TM4SF4: variants seen among roughly 807,000 people sequenced by gnomAD.
The protein encoded by TM4SF4 is transmembrane 4 L6 family member 4.
A neutral mutation model predicts 24.1 loss-of-function variants in TM4SF4; 24 were observed. The observed-to-expected ratio is 1.00, with a 90% CI of 0.72 to 1.40. TM4SF4 has a LOEUF of 1.40. Among genes scored for constraint, TM4SF4 ranks in the 40% most tolerant of loss-of-function variants. The pLI is 0.00. For synonymous variants in TM4SF4, 113 were observed against 97.0 expected, an observed-to-expected ratio of 1.17 and a Z score of -0.97; for missense variants, 254 against 254.2, an observed-to-expected ratio of 1.00 and a Z score of 0.01.
intron 4 of TM4SF4, among the ~76,000 whole-genome samples, chr3:149,501,006 A>G (rs919997457): frequency 7.8e-6 from 1 of 128,854 alleles, no homozygotes; most frequent in East Asian, 2.1e-4. Context: ...CCTGGATAAC[A>G]GAACAAGACC....
chr3:149,487,591 T>A, intron 2 of TM4SF4, 28 bp from the exon 3 acceptor site: 1 of 1,613,630 alleles, frequency 6.2e-7, no homozygotes. Context: ...ACCTGGAGAA[T>A]GTGACTGTCT....
chr3:149,498,591 C>A, intron 3 of TM4SF4, 131 bp from the exon 4 acceptor site: 1 of 755,374 alleles, frequency 1.3e-6, no homozygotes, highest in South Asian at 1.7e-5. Flanking sequence ...ATTGTTAGTA[C>A]AGAGTATTTT....
intron 2 of TM4SF4, among the ~76,000 whole-genome samples, chr3:149,477,871 A>AT (rs200642084): frequency 1.4e-4 from 21 of 150,584 alleles, no homozygotes; most frequent in East Asian, 3.9e-4. Context: ...GGAGATGAGG[A>AT]TTTTTTTTTT....
At chr3:149,479,047 G>A (rs376307735) in intron 2 of TM4SF4, among the ~76,000 whole-genome samples, 6 of 152,302 alleles carry the variant, frequency 3.9e-5, no homozygotes, top group East Asian at 1.9e-4. Flanking sequence ...GATTACAGGC[G>A]TGAGCCACTG....
intron 2 of TM4SF4, among the ~76,000 whole-genome samples, chr3:149,481,380 G>C (rs966284600): frequency 6.6e-6 from 1 of 151,996 alleles, no homozygotes; most frequent in African/African-American, 2.4e-5. Context: ...GAGGAAACGG[G>C]CTTCCATATT....
At chr3:149,501,073 C>T (rs1251822841) in intron 4 of TM4SF4, among the ~76,000 whole-genome samples, 1 of 150,938 alleles carries the variant, frequency 6.6e-6, no homozygotes, top group Non-Finnish European at 1.5e-5. Context: ...AATATGATTA[C>T]TCTTTGAATT....
chr3:149,475,574 T>C (rs1733913672), intron 1 of TM4SF4, among the ~76,000 whole-genome samples: 1 of 152,218 alleles, frequency 6.6e-6, no homozygotes, highest in Non-Finnish European at 1.5e-5. Flanking sequence ...TTATTCTTTT[T>C]TCTAACACAC....
At chr3:149,483,309 T>A (rs1286492538) in intron 2 of TM4SF4, among the ~76,000 whole-genome samples, 1 of 152,064 alleles carries the variant, frequency 6.6e-6, no homozygotes, top group Non-Finnish European at 1.5e-5. Flanking sequence ...ATATAAACTC[T>A]CAGTAAGAAT....
chr3:149,484,720 T>G (rs1734087946), intron 2 of TM4SF4, among the ~76,000 whole-genome samples: 2 of 152,098 alleles, frequency 1.3e-5, no homozygotes, highest in South Asian at 4.1e-4. Flanking sequence ...CCTGGCTAAT[T>G]TTTATATATT....
chr3:149,476,660 CAG>C lies in TM4SF4; in HGVS notation c.264+750_264+751del, dbSNP rs556225224. ...GTATGGGACAAGCTCTGGTGCTACA[CAG>C]ATGTGCTATATCTTTCCACAACATA... On this transcript the variant is annotated intron_variant, in intron 2 of 4. Coordinates refer to ENST00000305354, the MANE Select transcript of TM4SF4 (RefSeq NM_004617.4). 2.8e-3 allele frequency among the ~76,000 whole-genome samples: 425 copies of C among 152,330 alleles called. 5 individuals are homozygous for C. The highest frequency in any genetic ancestry group is 4.9e-3 in the Non-Finnish European group (330 of 68,032).
rs1734450063 is a variant in TM4SF4, at chr3:149,502,667, A to G, written c.592-9A>G. ...ACATCATAGTTAATTCACCTTTTCTACCTTCTAGGGAGATGGACCCGTTTA... is the reference window on the plus strand; with the variant it reads ...ACATCATAGTTAATTCACCTTTTCTGCCTTCTAGGGAGATGGACCCGTTTA... On this transcript the variant is annotated splice_polypyrimidine_tract_variant and intron_variant, in intron 4 of 4. Transcript: ENST00000305354. 1 of 1,601,546 alleles carries G rather than the reference A, an allele frequency of 6.2e-7. No individual in the cohort carries two copies. Among genetic ancestry groups the G allele is most frequent in the Non-Finnish European group, 8.6e-7 (1 of 1,169,036 alleles).
chr3:149,491,038 C>T (rs575296888), intron 3 of TM4SF4, among the ~76,000 whole-genome samples: 42 of 152,066 alleles, frequency 2.8e-4, no homozygotes, highest in African/African-American at 1.0e-3. Context: ...TGCATTATCT[C>T]ACCTAATCTT....
chr3:149,489,419 A>G (rs1348806569), intron 3 of TM4SF4, among the ~76,000 whole-genome samples: 6 of 152,238 alleles, frequency 3.9e-5, no homozygotes, highest in African/African-American at 7.2e-5. Flanking sequence ...TTTAAAGTCA[A>G]TTGAAATAAA....
At chr3:149,485,263 A>G (rs1182057771) in intron 2 of TM4SF4, among the ~76,000 whole-genome samples, 1 of 152,242 alleles carries the variant, frequency 6.6e-6, no homozygotes, top group African/African-American at 2.4e-5. Flanking sequence ...AAACTTAGTT[A>G]TGTAATCCAG....
At chr3:149,497,922 G>A (rs538919647) in intron 3 of TM4SF4, among the ~76,000 whole-genome samples, 3 of 152,114 alleles carry the variant, frequency 2.0e-5, no homozygotes, top group Non-Finnish European at 4.4e-5. Context: ...TGGGATTACA[G>A]GTGTGAGTCA....
chr3:149,490,892 G>GCTT (rs1734199258), intron 3 of TM4SF4, among the ~76,000 whole-genome samples: 1 of 152,082 alleles, frequency 6.6e-6, no homozygotes, highest in African/African-American at 2.4e-5. Flanking sequence ...GGTAGCAACT[G>GCTT]CTTCTTCTTC....
At chr3:149,491,402 G>C (rs1388186095) in intron 3 of TM4SF4, among the ~76,000 whole-genome samples, 2 of 151,946 alleles carry the variant, frequency 1.3e-5, no homozygotes, top group African/African-American at 4.8e-5. Context: ...GGAGGTCAAG[G>C]CTGCAGTAAG....
intron 2 of TM4SF4, among the ~76,000 whole-genome samples, chr3:149,482,022 T>A (rs1302507416): frequency 6.6e-6 from 1 of 152,192 alleles, no homozygotes; most frequent in Non-Finnish European, 1.5e-5. Flanking sequence ...TATCCAAACC[T>A]TGGGAACAGG....
intron 3 of TM4SF4, among the ~76,000 whole-genome samples, chr3:149,497,221 C>T (rs1289457790): frequency 6.6e-6 from 1 of 152,176 alleles, no homozygotes; most frequent in African/African-American, 2.4e-5. Context: ...AAGCACTGAT[C>T]TAAGCACTTT....
Sources: gnomAD v4.1 joint callset for allele counts (sites outside exome capture counted in the v4.1 genomes callset) on GRCh38, gnomAD v4.1.1 for gene constraint, MANE v1.5 for transcripts, NCBI Gene and HGNC (gene_info 2026-07-23, HGNC 2026-07-21) for gene names.